Variants in ZBTB20 observed in about 807,000 individuals in gnomAD.
ZBTB20 encodes the protein zinc finger and BTB domain-containing protein 20.
Under a neutral mutation model 56.9 loss-of-function variants are expected in ZBTB20, and 9 were observed. The observed-to-expected ratio is 0.16, with a 90% CI of 0.10 to 0.28. ZBTB20 has a LOEUF of 0.28. ZBTB20 is among the 10% of genes least tolerant of loss of function. ZBTB20 has a pLI of 1.00. For missense variants in ZBTB20, 655 were observed against 1,003.0 expected (o/e 0.65, Z 4.69); for synonymous variants, 417 against 420.7 (o/e 0.99, Z 0.11).
intron 6 of ZBTB20, among the ~76,000 whole-genome samples, chr3:114,637,487 T>C (rs901886920): frequency 6.6e-6 from 1 of 152,148 alleles, no homozygotes; most frequent in African/African-American, 2.4e-5. Flanking sequence ...TTAGGCATCC[T>C]AGGTTCCAGT....
At chr3:114,952,925 G>T in intron 3 of ZBTB20, among the ~76,000 whole-genome samples, 1 of 151,888 alleles carries the variant, frequency 6.6e-6, no homozygotes, top group African/African-American at 2.4e-5. Flanking sequence ...TGAAGGAAGA[G>T]GAAAAAAAGT....
intron 6 of ZBTB20, among the ~76,000 whole-genome samples, chr3:114,602,972 A>G (rs960692369): frequency 6.6e-6 from 1 of 152,022 alleles, no homozygotes; most frequent in Admixed American, 6.6e-5. Context: ...AGATGAATTC[A>G]GAGCTTCTGA....
At chr3:114,931,346 A>G in intron 3 of ZBTB20, 1 of 230,124 alleles carries the variant, frequency 4.3e-6, no homozygotes, top group South Asian at 6.9e-5. Flanking sequence ...TAAAACCCCA[A>G]TTATCTATGT....
chr3:114,390,925 T>TGCC (rs1408844433), intron 7 of ZBTB20, among the ~76,000 whole-genome samples: 1 of 152,348 alleles, frequency 6.6e-6, no homozygotes, highest in East Asian at 1.9e-4. Context: ...TCCCATTTCC[T>TGCC]GCCATTGGTA....
intron 1 of ZBTB20, among the ~76,000 whole-genome samples, chr3:115,072,760 T>C (rs1263536025): frequency 1.3e-5 from 2 of 152,204 alleles, no homozygotes; most frequent in African/African-American, 4.8e-5. Flanking sequence ...CACCTTCCTC[T>C]GTTTACAGGA....
In ZBTB20 at chr3:114,336,205, G is replaced by GT. The variant is rs776169755; in HGVS notation, c.*2799dup. On this transcript the variant is annotated 3_prime_UTR_variant, in exon 12 of 12. Transcript: ENST00000675478. Reference sequence around the variant, plus strand: ...ATGTCATTGTCTCCTAGCTTTAAGAGTTTTTTTCTTAAGGTCAATCTTCTC... The same window carrying GT: ...ATGTCATTGTCTCCTAGCTTTAAGAGTTTTTTTTCTTAAGGTCAATCTTCTC... The GT allele has an allele frequency of 5.3e-5, 8 of 152,108 alleles. No individual in the cohort carries two copies. Among genetic ancestry groups the GT allele is most frequent in the Non-Finnish European group, 1.0e-4 (7 of 68,016 alleles). The allele number at this position is 152,108 out of a possible 1,614,324, so 9.4% of individuals were successfully genotyped here.
intron 7 of ZBTB20, among the ~76,000 whole-genome samples, chr3:114,451,472 G>T (rs1315813728): frequency 1.3e-5 from 2 of 152,020 alleles, no homozygotes; most frequent in Non-Finnish European, 2.9e-5. Context: ...CCTAGAATGA[G>T]GTTTCTTTTT....
intron 3 of ZBTB20, among the ~76,000 whole-genome samples, chr3:114,953,290 A>G (rs1400112890): frequency 6.6e-6 from 1 of 152,034 alleles, no homozygotes; most frequent in African/African-American, 2.4e-5. Flanking sequence ...ACCCAAAACA[A>G]AACAGAAAAT....
chr3:114,923,982 A>C (rs1054253596), intron 3 of ZBTB20, among the ~76,000 whole-genome samples: 2 of 152,158 alleles, frequency 1.3e-5, no homozygotes, highest in East Asian at 3.9e-4. Context: ...CTCAACATCA[A>C]TAATCATCAG....
At chr3:114,842,050 T>C (rs772929412) in intron 4 of ZBTB20, among the ~76,000 whole-genome samples, 1 of 152,202 alleles carries the variant, frequency 6.6e-6, no homozygotes, top group Non-Finnish European at 1.5e-5. Context: ...CTTCTCTCTT[T>C]TGACTCTCAA....
At chr3:114,764,470 C>A (rs905480881) in intron 5 of ZBTB20, among the ~76,000 whole-genome samples, 1 of 152,170 alleles carries the variant, frequency 6.6e-6, no homozygotes, top group Non-Finnish European at 1.5e-5. Context: ...GGGGTGCAGG[C>A]CCCGCATCCT....
At chr3:114,686,394 T>C (rs971692354) in intron 6 of ZBTB20, among the ~76,000 whole-genome samples, 2 of 152,156 alleles carry the variant, frequency 1.3e-5, no homozygotes, top group African/African-American at 4.8e-5. Context: ...CTGAGGAGGA[T>C]AGTATGAGAG....
intron 2 of ZBTB20, among the ~76,000 whole-genome samples, chr3:115,003,336 A>G (rs2079329312): frequency 6.6e-6 from 1 of 151,672 alleles, no homozygotes; most frequent in African/African-American, 2.4e-5. Flanking sequence ...CAAATGTACC[A>G]CCATAGTTAA....
rs2057799799 is a variant in ZBTB20, at chr3:114,614,737, T to TTTG, written c.-295+78790_-295+78791insCAA. Among the ~76,000 whole-genome samples, 3 of 150,768 alleles carry TTTG rather than the reference T, an allele frequency of 2.0e-5. 1 individual carries two copies. Among genetic ancestry groups the TTTG allele is most frequent in the African/African-American group, 7.3e-5 (3 of 41,186 alleles). ...TGTCCAATCTCATAGTGGCCACTTT[T>TTTG]TTTGTTTGTTTGTTTGTTTGTTTGT... On this transcript the variant is annotated intron_variant, in intron 6 of 11. Coordinates refer to ENST00000675478, the MANE Select transcript of ZBTB20 (RefSeq NM_001348800.3).
At chr3:114,384,570 A>C (rs888022067) in intron 8 of ZBTB20, among the ~76,000 whole-genome samples, 9 of 152,234 alleles carry the variant, frequency 5.9e-5, no homozygotes, top group Non-Finnish European at 8.8e-5. Context: ...AAGGAGAACA[A>C]AAACATTTTC....
rs371982331 is a variant in ZBTB20 at position 114,544,590 on chromosome 3, GC to G, written c.-294-44200del. Among the ~76,000 whole-genome samples the G allele has an allele frequency of 4.3e-3, 646 of 150,102 alleles. 2 individuals carry two copies. Among genetic ancestry groups the G allele is most frequent in the South Asian group, 0.017 (82 of 4,754 alleles). On this transcript the variant is annotated intron_variant, in intron 6 of 11. Transcript: ENST00000675478. ...ATCATCTTGGGTCACTGCAGCCTCT[GC>G]CTCCTGGGCCCAAGTGATCCTTCCA...
chr3:115,146,834 G>A (rs1373033886), intron 1 of ZBTB20, among the ~76,000 whole-genome samples: 2 of 152,090 alleles, frequency 1.3e-5, no homozygotes, highest in African/African-American at 4.8e-5. Flanking sequence ...CCAGGCGCAG[G>A]GAGTAGAGAG....
intron 7 of ZBTB20, among the ~76,000 whole-genome samples, chr3:114,410,028 G>A (rs2087774913): frequency 6.6e-6 from 1 of 152,084 alleles, no homozygotes; most frequent in Non-Finnish European, 1.5e-5. Context: ...ATCGAAGTCT[G>A]GGTGGCAGGA....
intron 3 of ZBTB20, among the ~76,000 whole-genome samples, chr3:114,909,938 CTGA>C (rs2075464676): frequency 6.6e-6 from 1 of 151,506 alleles, no homozygotes. Flanking sequence ...AACAATAATA[CTGA>C]GCATAAGGGA....
Sources: gnomAD v4.1 joint callset for allele counts (sites outside exome capture counted in the v4.1 genomes callset) on GRCh38, gnomAD v4.1.1 for gene constraint, MANE v1.5 for transcripts, NCBI Gene and HGNC (gene_info 2026-07-23, HGNC 2026-07-21) for gene names.